Variants in MYH9 observed in about 807,000 individuals in gnomAD.
The protein encoded by MYH9 is myosin heavy chain 9.
In MYH9, 29 loss-of-function variants were observed where a neutral mutation model predicts 241.9. The ratio of observed to expected loss-of-function variants is 0.12; its 90% CI spans 0.09 to 0.16. The LOEUF (loss-of-function observed/expected upper bound fraction) is 0.16. MYH9 is among the 10% of genes least tolerant of loss of function. The pLI is 1.00. For missense variants in MYH9, 1,803 were observed against 2,595.5 expected (o/e 0.69, Z 6.63); for synonymous variants, 1,047 against 1,062.6 (o/e 0.99, Z 0.29).
chr22:36,317,164 G>A (rs1171469725), intron 11 of MYH9, among the ~76,000 whole-genome samples: 1 of 152,070 alleles, frequency 6.6e-6, no homozygotes, highest in Non-Finnish European at 1.5e-5. Context: ...CAAACGATGA[G>A]CCAAGACTCG....
chr22:36,381,720 G>T (rs111747416), intron 1 of MYH9, among the ~76,000 whole-genome samples: 5,158 of 152,182 alleles, frequency 0.034, 132 homozygotes, highest in Non-Finnish European at 0.049. Flanking sequence ...TTACAACATA[G>T]CTTGGAGAGC....
Position 36,304,063 on chromosome 22 carries a change from C to T in MYH9, c.2322G>A (p.Glu774=). ...TGACGTCGGTGATCTTCAGGTCTCG[C>T]TCCTCCTCCAGGTGGGCCAGCACAC... ...RAGVLAHLEE[E]RDLKITDVII... The change falls in exon 19 of 41, where the codon GAG becomes GAA. Residue 774 remains glutamate (E), a synonymous_variant. Transcript: ENST00000216181. 2 of 1,613,880 alleles carry T rather than the reference C, an allele frequency of 1.2e-6. No homozygotes were observed. Among genetic ancestry groups the T allele is most frequent in the South Asian group, 1.1e-5 (1 of 91,088 alleles).
chr22:36,290,418 T>C (rs1168498807), intron 31 of MYH9, among the ~76,000 whole-genome samples: 4 of 150,968 alleles, frequency 2.6e-5, no homozygotes, highest in Admixed American at 2.0e-4. Context: ...TGTAATGATA[T>C]AATGATAATT....
chr22:36,293,202 G>C lies in MYH9; in HGVS notation c.4095+127C>G. On this transcript the variant is annotated intron_variant, in intron 30 of 40. Transcript: ENST00000216181. The surrounding 1 kb of genome is among the most constrained non-coding windows in gnomAD (Gnocchi z 5.1). The stretch of plus-strand genomic sequence containing the variant: ...AGCACTGATGTGGGAGAGCACGGTT[G>C]GCTTCCCAGGGGGAGAGCAGCAATG... 1.6e-6 allele frequency: 2 copies of C among 1,222,156 alleles called. No individual in the cohort carries two copies. The highest frequency in any genetic ancestry group is 2.7e-4 in the Middle Eastern group (1 of 3,684). The allele number at this position is 1,222,156 out of a possible 1,614,324, so 75.7% of individuals were successfully genotyped here. A position where few individuals can be genotyped will look rare whatever the true frequency, so the allele number is the denominator to read the frequency against.
In MYH9 at chr22:36,281,507, T is replaced by TAAA; in HGVS notation, c.*1158_*1160dup. 1 of 206,994 alleles carries TAAA rather than the reference T, an allele frequency of 4.8e-6. No individual in the cohort carries two copies. The allele number at this position is 206,994 out of a possible 1,614,324, so 12.8% of individuals were successfully genotyped here. A position where few individuals can be genotyped will look rare whatever the true frequency, so the allele number is the denominator to read the frequency against. Reference sequence around the variant, plus strand: ...TCATGATTTGAGAGTTTGTTTCCTTTAAAAAAAAAAAATGCCTTCTTGCCG... The same window carrying TAAA: ...TCATGATTTGAGAGTTTGTTTCCTTTAAAAAAAAAAAAAAATGCCTTCTTGCCG... On this transcript the variant is annotated 3_prime_UTR_variant, in exon 41 of 41. Coordinates refer to ENST00000216181, the MANE Select transcript of MYH9 (RefSeq NM_002473.6).
At chr22:36,283,502 A>G in intron 40 of MYH9, among the ~76,000 whole-genome samples, 1 of 150,502 alleles carries the variant, frequency 6.6e-6, no homozygotes, top group South Asian at 2.1e-4. Flanking sequence ...ACACCATTGC[A>G]CTCCAGTCTG....
At chr22:36,311,993 C>T (rs947866368) in intron 14 of MYH9, 56 bp downstream of exon 14, 2 of 1,600,642 alleles carry the variant, frequency 1.2e-6, no homozygotes, top group South Asian at 1.1e-5. Context: ...TAGAGAGCCT[C>T]GACTCCACCT....
chr22:36,359,670 C>A (rs1038426588), intron 1 of MYH9, among the ~76,000 whole-genome samples: 1 of 152,124 alleles, frequency 6.6e-6, no homozygotes, highest in Non-Finnish European at 1.5e-5. Context: ...AGGCACCTAC[C>A]ACCTACTACC....
Position 36,289,316 on chromosome 22 carries a change from C to A in MYH9, c.4345-19G>T, listed in dbSNP as rs1205188032. 3 of 1,596,228 alleles carry A rather than the reference C, an allele frequency of 1.9e-6. No individual in the cohort carries two copies. The highest frequency in any genetic ancestry group is 2.3e-5 in the East Asian group (1 of 44,106). On this transcript the variant is annotated intron_variant, in intron 31 of 40. Transcript: ENST00000216181. ...CCAGGAGCTGGGAAAGAGGTGGGCA[C>A]CATGAGGCTCAGAGCTACGGCCCCC...
Position 36,293,987 on chromosome 22 carries a change from G to C in MYH9, c.3837+105C>G. On this transcript the variant is annotated intron_variant, in intron 28 of 40. Transcript: ENST00000216181. The surrounding 1 kb of genome is among the most constrained non-coding windows in gnomAD (Gnocchi z 5.1). ...TGAACCATGAGGGTCTGAGGAGCCAGTTTGAGAAGAGAGAGAGACAGAGAG... is the reference window on the plus strand; with the variant it reads ...TGAACCATGAGGGTCTGAGGAGCCACTTTGAGAAGAGAGAGAGACAGAGAG... 2 of 1,485,790 alleles carry C rather than the reference G, an allele frequency of 1.3e-6. No individual in the cohort carries two copies. Among genetic ancestry groups the C allele is most frequent in the South Asian group, 1.1e-5 (1 of 87,282 alleles). 92.0% of individuals were successfully genotyped at this position (1,485,790 alleles called of 1,614,324 possible).
intron 1 of MYH9, among the ~76,000 whole-genome samples, chr22:36,379,774 G>A (rs2018226774): frequency 6.6e-6 from 1 of 152,186 alleles, no homozygotes; most frequent in African/African-American, 2.4e-5. Context: ...GGAGGGTCCT[G>A]GGCTAGAGAT....
intron 23 of MYH9, 132 bp downstream of exon 23, chr22:36,299,995 C>G (rs2016849106): frequency 7.5e-7 from 1 of 1,326,652 alleles, no homozygotes; most frequent in African/African-American, 1.4e-5. Context: ...TGCAGTTAAG[C>G]AGAAGCCCTC....
At chr22:36,371,733 C>T (rs2018093297) in intron 1 of MYH9, among the ~76,000 whole-genome samples, 1 of 152,064 alleles carries the variant, frequency 6.6e-6, no homozygotes, top group Non-Finnish European at 1.5e-5. Context: ...GACGGTTTCA[C>T]CATGTTGGCC....
intron 1 of MYH9, among the ~76,000 whole-genome samples, chr22:36,361,351 G>A (rs1055222993): frequency 5.3e-5 from 8 of 152,160 alleles, no homozygotes; most frequent in African/African-American, 7.2e-5. Flanking sequence ...TCCTTGAAGC[G>A]GGCATGGAGG....
chr22:36,362,741 G>A (rs1314031404), intron 1 of MYH9, among the ~76,000 whole-genome samples: 5 of 152,236 alleles, frequency 3.3e-5, no homozygotes, highest in Admixed American at 1.3e-4. Flanking sequence ...CTTCCAAAGC[G>A]CTGGGATTAC....
rs138715947 is a variant in MYH9, at chr22:36,289,387, C to T, written c.4345-90G>A. 2.2e-4 allele frequency: 274 copies of T among 1,254,902 alleles called. 1 individual carries two copies. In the African/African-American group the frequency reaches 3.8e-3, roughly 17 times the overall value. 77.7% of individuals were successfully genotyped at this position (1,254,902 alleles called of 1,614,324 possible). Reference sequence around the variant, plus strand: ...CCTAAGCTCCCTGGGGAAGGAGGAGCCCAGAGGCCACGGTGGAGAGGAGCA... The same window carrying T: ...CCTAAGCTCCCTGGGGAAGGAGGAGTCCAGAGGCCACGGTGGAGAGGAGCA... On this transcript the variant is annotated intron_variant, in intron 31 of 40. Coordinates refer to ENST00000216181, the MANE Select transcript of MYH9 (RefSeq NM_002473.6).
At chr22:36,361,912 A>G (rs1263210166) in intron 1 of MYH9, among the ~76,000 whole-genome samples, 1 of 152,198 alleles carries the variant, frequency 6.6e-6, no homozygotes, top group East Asian at 1.9e-4. Flanking sequence ...TCTACTAAAA[A>G]TACAAAAATT....
chr22:36,386,296 G>C (rs2146433937), intron 1 of MYH9, among the ~76,000 whole-genome samples: 1 of 152,194 alleles, frequency 6.6e-6, no homozygotes, highest in Non-Finnish European at 1.5e-5. Context: ...CCCTGGCACA[G>C]AGAGGGCAGT....
chr22:36,375,691 G>GGAAGAA (rs1323248101), intron 1 of MYH9, among the ~76,000 whole-genome samples: 1 of 152,120 alleles, frequency 6.6e-6, no homozygotes, highest in African/African-American at 2.4e-5. Flanking sequence ...TGGAAACCAG[G>GGAAGAA]GAAGAATTAA....
Sources: allele counts gnomAD v4.1 joint callset (sites outside exome capture counted in the v4.1 genomes callset), GRCh38; gene constraint gnomAD v4.1.1; non-coding constraint Gnocchi (gnomAD v3.1); transcripts MANE v1.5; gene names NCBI Gene and HGNC (gene_info 2026-07-23, HGNC 2026-07-21).